ABCA12: variants seen among roughly 807,000 people sequenced by gnomAD.
The protein encoded by ABCA12 is glucosylceramide transporter ABCA12.
In ABCA12, 156 loss-of-function variants were observed where a neutral mutation model predicts 293.5. That is an observed-to-expected ratio of 0.53 (90% confidence interval 0.47 to 0.61). ABCA12 has a LOEUF of 0.61. Ranked by LOEUF, ABCA12 falls within the 20% of genes least tolerant of loss-of-function variation. The probability of loss-of-function intolerance (pLI) is 0.00; values close to 1 mark genes in which losing one functional copy is unlikely to be tolerated. For missense variants in ABCA12, 2,797 were observed against 3,090.2 expected (o/e 0.91, Z 2.25); for synonymous variants, 1,063 against 1,108.0 (o/e 0.96, Z 0.81).
At chr2:215,129,917 T>C (rs956833007) in intron 1 of ABCA12, among the ~76,000 whole-genome samples, 4 of 152,130 alleles carry the variant, frequency 2.6e-5, no homozygotes, top group Non-Finnish European at 5.9e-5. Context: ...TGATGAGAAA[T>C]AGGGATCCAG....
rs1698905851 is a variant in ABCA12 at position 214,955,205 on chromosome 2, A to G, written c.6390T>C (p.Asp2130=). ...TCACTGAAATAAGGGACCTTACCGGATCATTAGGCTTTTCCTTGGAAAGAA... is the reference window on the plus strand; with the variant it reads ...TCACTGAAATAAGGGACCTTACCGGGTCATTAGGCTTTTCCTTGGAAAGAA... The part of the protein sequence containing the change: ...VYFLSKEKPN[D]PTLELISETL... The change falls in exon 43 of 53, where the codon GAT becomes GAC. Residue 2130 remains aspartate (D), a synonymous_variant. Coordinates refer to ENST00000272895, the MANE Select transcript of ABCA12 (RefSeq NM_173076.3). 1 of 1,613,908 alleles carries G rather than the reference A, an allele frequency of 6.2e-7. No homozygotes were observed. The highest frequency in any genetic ancestry group is 1.7e-5 in the Admixed American group (1 of 59,998).
rs1362661412 is a variant in ABCA12 at position 214,974,071 on chromosome 2, G to A, written c.5469-29C>T. Reference sequence around the variant, plus strand: ...CAAGTTAAAATGATATTGCTGTGAGGTGTGTATGTATATGTGTTCTCATGT... The same window carrying A: ...CAAGTTAAAATGATATTGCTGTGAGATGTGTATGTATATGTGTTCTCATGT... On this transcript the variant is annotated intron_variant, in intron 35 of 52. Coordinates refer to ENST00000272895, the MANE Select transcript of ABCA12 (RefSeq NM_173076.3). 9 of 1,578,880 alleles carry A rather than the reference G, an allele frequency of 5.7e-6. No individual in the cohort carries two copies. In the Admixed American group the frequency reaches 1.3e-4, roughly 23 times the overall value.
At chr2:215,036,458 A>T (rs1448386789) in intron 8 of ABCA12, among the ~76,000 whole-genome samples, 1 of 152,132 alleles carries the variant, frequency 6.6e-6, no homozygotes, top group African/African-American at 2.4e-5. Context: ...CTTTGTCTGT[A>T]TGTGTCTGTG....
chr2:215,024,800 G>C (rs1264587582), intron 11 of ABCA12, among the ~76,000 whole-genome samples: 1 of 151,690 alleles, frequency 6.6e-6, no homozygotes, highest in African/African-American at 2.4e-5. Flanking sequence ...ATTCTTTCTA[G>C]GAATACAGCT....
In ABCA12 at chr2:215,073,329, A is replaced by T. The variant is rs73074451; in HGVS notation, c.164-9110T>A. On this transcript the variant is annotated intron_variant, in intron 2 of 52. Transcript: ENST00000272895. ...ATTTTTCCCCTCTAAATATACATTA[A>T]TTTTTTTTTAAATAGACCCCTAGAA... Among the ~76,000 whole-genome samples, 807 of 151,750 alleles carry T rather than the reference A, an allele frequency of 5.3e-3. 14 individuals are homozygous for T. The highest frequency in any genetic ancestry group is 0.019 in the African/African-American group (777 of 41,342).
intron 2 of ABCA12, among the ~76,000 whole-genome samples, chr2:215,083,608 C>T (rs368789294): frequency 4.7e-4 from 72 of 152,192 alleles, no homozygotes; most frequent in African/African-American, 1.3e-3. Context: ...GAATGTAAGA[C>T]GGATTTTCAT....
At position 215,015,490 on chromosome 2, in the gene ABCA12, C is replaced by G; in HGVS notation, c.1956G>C (p.Lys652Asn). ...ACATATTTAACCAACAGCAACTTGCCTTGTATGTGAAGTTGTAAATGTTTA... is the reference window on the plus strand; with the variant it reads ...ACATATTTAACCAACAGCAACTTGCGTTGTATGTGAAGTTGTAAATGTTTA... ...HYLNIYNFTYKVFFPRKDQKP... is the reference protein window; with the variant it reads ...HYLNIYNFTYNVFFPRKDQKP... Residue 652 changes from lysine to asparagine, a missense_variant and splice_region_variant, in exon 15 of 53, where the codon AAG becomes AAC. Lys to Asn is a moderately conservative substitution (Grantham distance 94). Coordinates refer to ENST00000272895, the MANE Select transcript of ABCA12 (RefSeq NM_173076.3). 6.2e-7 allele frequency: 1 copy of G among 1,613,602 alleles called. No individual in the cohort carries two copies. The highest frequency in any genetic ancestry group is 8.5e-7 in the Non-Finnish European group (1 of 1,179,642).
chr2:214,942,637 C>T (rs2225063), intron 50 of ABCA12, among the ~76,000 whole-genome samples: 86,039 of 151,950 alleles, frequency 0.57, 25,383 homozygotes, highest in African/African-American at 0.74. Flanking sequence ...TGGTTATGAA[C>T]TGTTTATTAT....
intron 1 of ABCA12, among the ~76,000 whole-genome samples, chr2:215,134,866 T>G (rs1198242831): frequency 6.6e-6 from 1 of 151,956 alleles, no homozygotes; most frequent in Non-Finnish European, 1.5e-5. Flanking sequence ...CAAGCTGGTC[T>G]CGAACTCCTA....
intron 6 of ABCA12, among the ~76,000 whole-genome samples, chr2:215,047,912 A>T (rs1482162888): frequency 6.6e-6 from 1 of 152,124 alleles, no homozygotes; most frequent in Non-Finnish European, 1.5e-5. Flanking sequence ...CATTTTTGCA[A>T]ACTATGCATC....
At chr2:214,960,855 GAAGA>G (rs1316305735) in intron 39 of ABCA12, among the ~76,000 whole-genome samples, 5 of 152,120 alleles carry the variant, frequency 3.3e-5, no homozygotes, top group Non-Finnish European at 4.4e-5. Context: ...TATTTTTTGA[GAAGA>G]AAGAACAGAA....
chr2:214,985,871 T>C (rs1363345043), intron 28 of ABCA12, among the ~76,000 whole-genome samples: 1 of 152,106 alleles, frequency 6.6e-6, no homozygotes, highest in African/African-American at 2.4e-5. Flanking sequence ...TAAAAATAAC[T>C]CAAAAGAATG....
chr2:215,017,426 T>A (rs1700528240), intron 14 of ABCA12, among the ~76,000 whole-genome samples: 1 of 152,216 alleles, frequency 6.6e-6, no homozygotes, highest in Non-Finnish European at 1.5e-5. Flanking sequence ...AAACTTACCC[T>A]TAGTTCCCTT....
rs905220557 is a variant in ABCA12, at chr2:215,111,657, T to C, written c.103A>G (p.Ile35Val). Residue 35 changes from isoleucine to valine, a missense_variant, in exon 2 of 53, where the codon ATT (isoleucine) becomes GTT (valine). Coordinates refer to ENST00000272895, the MANE Select transcript of ABCA12 (RefSeq NM_173076.3). The part of the protein sequence containing the change: ...WTLVLILWPV[I>V]IFIILAITRT... Reference sequence around the variant, plus strand: ...GTAATAGCCAAAATTATGAAAATAATGACTGGCCATAAGATCAAGACAAGT... The same window carrying C: ...GTAATAGCCAAAATTATGAAAATAACGACTGGCCATAAGATCAAGACAAGT... The C allele has an allele frequency of 3.1e-6, 5 of 1,613,442 alleles. No individual in the cohort carries two copies. The highest frequency in any genetic ancestry group is 1.3e-5 in the African/African-American group (1 of 74,916).
In ABCA12 at chr2:215,049,562, C is replaced by T. The variant is rs73074412; in HGVS notation, c.693+64G>A. 17,103 of 1,497,934 alleles carry T rather than the reference C, an allele frequency of 0.011. 1,586 individuals carry two copies. The African/African-American group carries it at 0.2, about 18-fold the overall frequency. The allele number at this position is 1,497,934 out of a possible 1,614,324, so 92.8% of individuals were successfully genotyped here. On this transcript the variant is annotated intron_variant, in intron 6 of 52. Transcript: ENST00000272895. ...CCCAGTCAGCATTTCCCAGTCTACA[C>T]GGGCTATAGATTTACCCTTTAATTC...
At chr2:215,095,289 CT>C (rs891550462) in intron 2 of ABCA12, among the ~76,000 whole-genome samples, 2 of 152,150 alleles carry the variant, frequency 1.3e-5, no homozygotes, top group Admixed American at 6.5e-5. Flanking sequence ...ACCAAACCCC[CT>C]TGGGCACTCT....
chr2:215,052,801 G>A (rs550653865), intron 4 of ABCA12, among the ~76,000 whole-genome samples: 2 of 152,040 alleles, frequency 1.3e-5, no homozygotes, highest in Non-Finnish European at 2.9e-5. Context: ...GTCTGTTCTT[G>A]TTGTTTATCC....
At chr2:215,111,508 A>ATT (rs1702569367) in intron 2 of ABCA12, 89 bp downstream of exon 2, 4 of 880,206 alleles carry the variant, frequency 4.5e-6, no homozygotes, top group African/African-American at 1.7e-5. Context: ...ACAAAAAAAA[A>ATT]TTTTTGAAAT....
At chr2:214,996,635 A>G (rs1700039059) in intron 23 of ABCA12, among the ~76,000 whole-genome samples, 1 of 152,210 alleles carries the variant, frequency 6.6e-6, no homozygotes, top group African/African-American at 2.4e-5. Flanking sequence ...ACCAAATTAT[A>G]ACTGAAATAT....
Sources: gnomAD v4.1 joint callset for allele counts (sites outside exome capture counted in the v4.1 genomes callset) on GRCh38, gnomAD v4.1.1 for gene constraint, MANE v1.5 for transcripts, NCBI Gene and HGNC (gene_info 2026-07-23, HGNC 2026-07-21) for gene names.